METTL4: variants seen among roughly 807,000 people sequenced by gnomAD.
The protein encoded by METTL4 is methyltransferase 4, N6-adenosine, also known as N(6)-adenine-specific methyltransferase METTL4.
In METTL4, 40 loss-of-function variants were observed where a neutral mutation model predicts 54.0. The observed-to-expected ratio is 0.74, with a 90% CI of 0.58 to 0.96. The LOEUF is 0.96. METTL4 is among the 50% of genes least tolerant of loss of function. METTL4 has a pLI of 0.00. For missense variants in METTL4, 525 were observed against 549.0 expected, an observed-to-expected ratio of 0.96 and a Z score of 0.44; for synonymous variants, 169 against 183.8, an observed-to-expected ratio of 0.92 and a Z score of 0.65.
intron 5 of METTL4, among the ~76,000 whole-genome samples, chr18:2,550,174 A>G (rs1354353464): frequency 6.6e-6 from 1 of 152,180 alleles, no homozygotes; most frequent in African/African-American, 2.4e-5. Flanking sequence ...CAAAAATTTG[A>G]AAGTACATGG....
Position 2,544,762 on chromosome 18 carries a change from G to C in METTL4, c.1075-3C>G. 6.3e-7 allele frequency: 1 copy of C among 1,597,502 alleles called. No homozygotes were observed. The highest frequency in any genetic ancestry group is 8.6e-7 in the Non-Finnish European group (1 of 1,166,168). On this transcript the variant is annotated splice_polypyrimidine_tract_variant and splice_region_variant and intron_variant, in intron 6 of 8. Transcript: ENST00000574538. ...ACAAATTCTCCTGAATTGGTTATCT[G>C]ATAGGAAGGAGCCAACAAAAGAGGG...
At position 2,547,395 on chromosome 18, in the gene METTL4, G is replaced by A; in HGVS notation, c.1034C>T (p.Ser345Phe). Reference sequence around the variant, plus strand: ...CTCAGCAACTACCTCCACAGACCAAGAGGGATAAAGTTCTTCCTTTATAAA... The same window carrying A: ...CTCAGCAACTACCTCCACAGACCAAAAGGGATAAAGTTCTTCCTTTATAAA... ...LRFIKEELYPSWSVEVVAEWH... is the reference protein window; with the variant it reads ...LRFIKEELYPFWSVEVVAEWH... Residue 345 changes from serine to phenylalanine, a missense_variant, in exon 6 of 9, where the codon TCT (serine) becomes TTT (phenylalanine). Ser to Phe is a radical substitution (Grantham distance 155). Transcript: ENST00000574538. The A allele has an allele frequency of 6.2e-7, 1 of 1,608,520 alleles. No homozygotes were observed. Among genetic ancestry groups the A allele is most frequent in the Non-Finnish European group, 8.5e-7 (1 of 1,177,796 alleles).
intron 6 of METTL4, among the ~76,000 whole-genome samples, chr18:2,546,918 A>C (rs1199847520): frequency 6.6e-6 from 1 of 152,132 alleles, no homozygotes; most frequent in Non-Finnish European, 1.5e-5. Flanking sequence ...ACAATGGGTT[A>C]CTTTGCTATT....
Position 2,567,226 on chromosome 18 carries a change from T to G in METTL4, c.-10A>C, listed in dbSNP as rs771079776. 4 of 1,552,074 alleles carry G rather than the reference T, an allele frequency of 2.6e-6. No homozygotes were observed. The highest frequency in any genetic ancestry group is 3.5e-6 in the Non-Finnish European group (4 of 1,151,788). On this transcript the variant is annotated 5_prime_UTR_variant, in exon 2 of 9. Transcript: ENST00000574538. Reference sequence around the variant, plus strand: ...GGTGTACCACAGACATTCCCTTCCTTTAAAAAAGCCTCTGGGAATTAGGAA... The same window carrying G: ...GGTGTACCACAGACATTCCCTTCCTGTAAAAAAGCCTCTGGGAATTAGGAA...
intron 3 of METTL4, among the ~76,000 whole-genome samples, chr18:2,562,942 CAAGA>C (rs1301031955): frequency 1.7e-4 from 23 of 135,952 alleles, no homozygotes; most frequent in Non-Finnish European, 3.3e-5. Context: ...TCTACTACAA[CAAGA>C]AAGAAAGGGA....
chr18:2,544,197 G>A lies in METTL4; in HGVS notation c.1271C>T (p.Ala424Val), dbSNP rs146667523. The A allele has an allele frequency of 1.5e-4, 244 of 1,596,126 alleles. No individual in the cohort carries two copies. The highest frequency in any genetic ancestry group is 2.0e-4 in the Non-Finnish European group (232 of 1,172,848). Residue 424 changes from alanine to valine, a missense_variant and splice_region_variant, in exon 8 of 9, where the codon GCT becomes GTT. By Grantham distance (64) the Ala-to-Val change is moderately conservative. Coordinates refer to ENST00000574538, the MANE Select transcript of METTL4 (RefSeq NM_022840.5). Reference protein sequence around the residue: ...CTLHSHKPPLAEVLKDYIKPD... With the variant: ...CTLHSHKPPLVEVLKDYIKPD... ...AATTCTATTTTATAAAAACATACCAGCAAGCGGTGGCTTATGTGAGTGAAG... is the reference window on the plus strand; with the variant it reads ...AATTCTATTTTATAAAAACATACCAACAAGCGGTGGCTTATGTGAGTGAAG...
At chr18:2,568,564 C>T (rs1419571197) in intron 1 of METTL4, 1 of 152,258 alleles carries the variant, frequency 6.6e-6, no homozygotes, top group African/African-American at 2.4e-5. Context: ...CCTGCCTGGC[C>T]AACATGGTGA....
At position 2,540,856 on chromosome 18, in the gene METTL4, G is replaced by C. The variant is rs2071984440; in HGVS notation, c.1274-1711C>G. On this transcript the variant is annotated intron_variant, in intron 8 of 8. Transcript: ENST00000574538. ...TCAGATTTTTGGTACGAAGATGTTA[G>C]CAACCCTATTTTAGAAATTTAAACT... 4 of 985,300 alleles carry C rather than the reference G, an allele frequency of 4.1e-6. No individual in the cohort carries two copies. The South Asian group carries it at 1.4e-4, about 35-fold the overall frequency. 61.0% of individuals were successfully genotyped at this position (985,300 alleles called of 1,614,324 possible).
At chr18:2,551,862 A>C (rs2072165796) in intron 5 of METTL4, among the ~76,000 whole-genome samples, 1 of 152,200 alleles carries the variant, frequency 6.6e-6, no homozygotes, top group African/African-American at 2.4e-5. Context: ...TAGAAAACTG[A>C]AAAGTAAGAG....
intron 5 of METTL4, among the ~76,000 whole-genome samples, chr18:2,547,872 G>A (rs767659157): frequency 6.6e-6 from 1 of 151,982 alleles, no homozygotes; most frequent in African/African-American, 2.4e-5. Flanking sequence ...CGTTACACAG[G>A]AGCCCTGTCA....
chr18:2,566,538 T>C (rs952480185), intron 2 of METTL4, among the ~76,000 whole-genome samples: 1 of 152,118 alleles, frequency 6.6e-6, no homozygotes, highest in African/African-American at 2.4e-5. Context: ...TGTTTGGCTT[T>C]TTGTTTGTTT....
At chr18:2,540,144 G>T (rs8096863) in intron 8 of METTL4, 40,403 of 984,932 alleles carry the variant, frequency 0.041, 983 homozygotes, top group African/African-American at 0.11. Context: ...GTAGGCTAAA[G>T]AGCTGTTGTC....
intron 3 of METTL4, among the ~76,000 whole-genome samples, chr18:2,557,641 T>C (rs1224057005): frequency 6.6e-6 from 1 of 152,174 alleles, no homozygotes; most frequent in African/African-American, 2.4e-5. Flanking sequence ...CTTGGGATCC[T>C]TAGCTGTGAA....
In METTL4 at chr18:2,566,938, A is replaced by G. The variant is rs1349805513; in HGVS notation, c.279T>C (p.Phe93=). 4.3e-6 allele frequency: 7 copies of G among 1,614,182 alleles called. No homozygotes were observed. The highest frequency in any genetic ancestry group is 5.9e-6 in the Non-Finnish European group (7 of 1,180,026). The change falls in exon 2 of 9, where the codon TTT becomes TTC. Residue 93 remains phenylalanine (F), a synonymous_variant. Coordinates refer to ENST00000574538, the MANE Select transcript of METTL4 (RefSeq NM_022840.5). Reference sequence around the variant, plus strand: ...GAGTTATATAAGGTTTGGTGACATCAAACAGTTCAGGTCGAAAAACAAATT... The same window carrying G: ...GAGTTATATAAGGTTTGGTGACATCGAACAGTTCAGGTCGAAAAACAAATT... ...TRKFVFRPEL[F]DVTKPYITPA... is the part of the protein sequence containing the mutation.
chr18:2,547,212 A>G, intron 6 of METTL4, 143 bp downstream of exon 6: 1 of 534,242 alleles, frequency 1.9e-6, no homozygotes, highest in Non-Finnish European at 3.0e-6. Context: ...AAAATATAAA[A>G]GTGGTAAGCA....
At chr18:2,541,737 A>G (rs1403461767) in intron 8 of METTL4, among the ~76,000 whole-genome samples, 1 of 62,318 alleles carries the variant, frequency 1.6e-5, no homozygotes, top group African/African-American at 5.1e-5. Flanking sequence ...GAAATAACCA[A>G]TTAAACTTAA....
intron 3 of METTL4, among the ~76,000 whole-genome samples, chr18:2,563,438 C>G (rs2072352545): frequency 6.6e-6 from 1 of 151,454 alleles, no homozygotes; most frequent in South Asian, 2.1e-4. Context: ...ACTAAAAATA[C>G]AAAAAATTAG....
At chr18:2,557,330 A>G (rs1010868679) in intron 3 of METTL4, among the ~76,000 whole-genome samples, 4 of 152,132 alleles carry the variant, frequency 2.6e-5, no homozygotes, top group Non-Finnish European at 4.4e-5. Flanking sequence ...AAAAATAAAA[A>G]AAGTATCTGA....
At chr18:2,554,373 A>T (rs201881087) in intron 4 of METTL4, 2 of 266 alleles carry the variant, frequency 7.5e-3, no homozygotes, top group South Asian at 0.25. Flanking sequence ...AAAAAAAGTT[A>T]AAAAAAAAAG....
Sources: gnomAD v4.1 joint callset for allele counts (sites outside exome capture counted in the v4.1 genomes callset) on GRCh38, gnomAD v4.1.1 for gene constraint, MANE v1.5 for transcripts, NCBI Gene and HGNC (gene_info 2026-07-23, HGNC 2026-07-21) for gene names.